PCDHGB5: variants seen among roughly 807,000 people sequenced by gnomAD.
PCDHGB5 encodes protocadherin gamma-B5.
In PCDHGB5, 48 loss-of-function variants were observed where a neutral mutation model predicts 62.9. The observed-to-expected ratio is 0.76, with a 90% CI of 0.61 to 0.97. PCDHGB5 has a LOEUF of 0.97. Ranked by LOEUF, PCDHGB5 falls within the 50% of genes least tolerant of loss-of-function variation. The pLI is 0.00. For synonymous variants in PCDHGB5, 474 were observed against 511.2 expected, an observed-to-expected ratio of 0.93 and a Z score of 0.98; for missense variants, 1,118 against 1,198.6, an observed-to-expected ratio of 0.93 and a Z score of 0.99.
chr5:141,440,671 T>C (rs2098194169), intron 1 of PCDHGB5: 1 of 152,210 alleles, frequency 6.6e-6, no homozygotes, highest in African/African-American at 2.4e-5. Context: ...CAACTCTATA[T>C]TTCTCTTTGA....
In PCDHGB5 at chr5:141,470,146, A is replaced by G. The variant is rs181633492; in HGVS notation, c.2398-24661A>G. On this transcript the variant is annotated intron_variant, in intron 1 of 3. Coordinates refer to ENST00000617380, the MANE Select transcript of PCDHGB5 (RefSeq NM_018925.3). ...TTCGTCTCAAAAAAAAAGATCATAG[A>G]TCATCTTATCAAATCAAAGTATGCA... Among the ~76,000 whole-genome samples, 102 of 152,308 alleles carry G rather than the reference A, an allele frequency of 6.7e-4. 2 individuals carry two copies. Among genetic ancestry groups the G allele is most frequent in the African/African-American group, 2.4e-3 (99 of 41,558 alleles).
In PCDHGB5 at chr5:141,419,475, C is replaced by T. The variant is rs775720158; in HGVS notation, c.2397+18951C>T. On this transcript the variant is annotated intron_variant, in intron 1 of 3. Coordinates refer to ENST00000617380, the MANE Select transcript of PCDHGB5 (RefSeq NM_018925.3). Reference sequence around the variant, plus strand: ...ACGCTGCAGGCCCGCGACCAGGGCTCGCCCGCGCTCAGCGCCAATGTGAGC... The same window carrying T: ...ACGCTGCAGGCCCGCGACCAGGGCTTGCCCGCGCTCAGCGCCAATGTGAGC... The T allele has an allele frequency of 4.6e-5, 74 of 1,612,266 alleles. No homozygotes were observed. The highest frequency in any genetic ancestry group is 5.9e-5 in the Non-Finnish European group (70 of 1,179,514).
intron 1 of PCDHGB5, chr5:141,403,564 G>A (rs2094422320): frequency 2.5e-6 from 4 of 1,613,834 alleles, no homozygotes; most frequent in Non-Finnish European, 2.5e-6. Context: ...ACAGGGAGGA[G>A]GCAACTGCCC....
At chr5:141,469,306 A>G in intron 1 of PCDHGB5, among the ~76,000 whole-genome samples, 1 of 150,500 alleles carries the variant, frequency 6.6e-6, no homozygotes, top group South Asian at 2.1e-4. Flanking sequence ...ACTGGGCACG[A>G]TGGCTCACGC....
In PCDHGB5 at chr5:141,399,797, G is replaced by A. The variant is rs760211919; in HGVS notation, c.1670G>A (p.Arg557Gln). The change falls in exon 1 of 4, where the codon CGG (arginine) becomes CAG (glutamine). Residue 557 changes from arginine to glutamine, a missense_variant. Arg to Gln is a conservative substitution (Grantham distance 43). Coordinates refer to ENST00000617380, the MANE Select transcript of PCDHGB5 (RefSeq NM_018925.3). ...GGCGACCGAAACGACAACGCACCGC[G>A]GGTGCTGTACCCCGCGCTGGGTCCC... ...LVGDRNDNAPRVLYPALGPDG... is the reference protein window; with the variant it reads ...LVGDRNDNAPQVLYPALGPDG... 1 of 1,613,192 alleles carries A rather than the reference G, an allele frequency of 6.2e-7. No individual in the cohort carries two copies. Among genetic ancestry groups the A allele is most frequent in the Non-Finnish European group, 8.5e-7 (1 of 1,179,758 alleles).
intron 2 of PCDHGB5, among the ~76,000 whole-genome samples, chr5:141,503,797 G>A (rs2099831309): frequency 6.6e-6 from 1 of 152,006 alleles, no homozygotes; most frequent in South Asian, 2.1e-4. Context: ...ATCTACTTAG[G>A]GACGGGGAAT....
At chr5:141,426,625 A>G (rs770683989) in intron 1 of PCDHGB5, 29 of 394,754 alleles carry the variant, frequency 7.3e-5, no homozygotes, top group South Asian at 7.2e-5. Context: ...AATCCTCTAA[A>G]TGTTTTTCAC....
At chr5:141,418,248 C>G (rs372067603) in intron 1 of PCDHGB5, 1 of 1,614,000 alleles carries the variant, frequency 6.2e-7, no homozygotes, top group Admixed American at 1.7e-5. Context: ...AATGACCACG[C>G]CCCTCAATTC....
chr5:141,400,230 G>A lies in PCDHGB5; in HGVS notation c.2103G>A (p.Leu701=). 3 of 1,613,992 alleles carry A rather than the reference G, an allele frequency of 1.9e-6. No homozygotes were observed. Among genetic ancestry groups the A allele is most frequent in the Non-Finnish European group, 2.5e-6 (3 of 1,179,890 alleles). Residue 701 remains leucine, a synonymous_variant, in exon 1 of 4, where the codon CTG becomes CTA. Transcript: ENST00000617380. Reference sequence around the variant, plus strand: ...CCTTGATCTCAGTGCTCTTCCTCCTGGCCGTGATTCTGGCCGTTGCCTTGC... The same window carrying A: ...CCTTGATCTCAGTGCTCTTCCTCCTAGCCGTGATTCTGGCCGTTGCCTTGC... ...ALALISVLFL[L]AVILAVALRL... is the part of the protein sequence containing the mutation.
intron 1 of PCDHGB5, among the ~76,000 whole-genome samples, chr5:141,492,927 G>A (rs925569925): frequency 2.0e-5 from 3 of 152,180 alleles, no homozygotes; most frequent in Admixed American, 6.5e-5. Context: ...AGCGATCTAG[G>A]GTCAGAGATT....
intron 1 of PCDHGB5, chr5:141,419,533 C>A: frequency 6.2e-7 from 1 of 1,612,106 alleles, no homozygotes; most frequent in Non-Finnish European, 8.5e-7. Flanking sequence ...GTAACGACAA[C>A]GCACCGCGGG....
intron 1 of PCDHGB5, among the ~76,000 whole-genome samples, chr5:141,481,184 C>A (rs2099533291): frequency 6.6e-6 from 1 of 152,146 alleles, no homozygotes; most frequent in African/African-American, 2.4e-5. Flanking sequence ...CTTTATTGGG[C>A]CAGGCCCAAT....
chr5:141,430,865 C>A, intron 1 of PCDHGB5: 2 of 1,595,350 alleles, frequency 1.3e-6, no homozygotes, highest in Non-Finnish European at 1.7e-6. Flanking sequence ...CTATTCAGTT[C>A]CGGAAGAGCT....
At chr5:141,414,489 G>A (rs754325517) in intron 1 of PCDHGB5, 33 of 1,613,754 alleles carry the variant, frequency 2.0e-5, no homozygotes, top group Middle Eastern at 1.6e-4. Flanking sequence ...CTCTATCAAC[G>A]GAAGCTCACT....
Position 141,399,835 on chromosome 5 carries a change from C to T in PCDHGB5, c.1708C>T (p.Leu570Phe), listed in dbSNP as rs756646382. Residue 570 changes from leucine (L) to phenylalanine (F), a missense_variant, in exon 1 of 4, where the codon CTC becomes TTC. By Grantham distance (22) the Leu-to-Phe change is conservative. Transcript: ENST00000617380. ...YPALGPDGSALFDMVPRAAEP... is the reference protein window; with the variant it reads ...YPALGPDGSAFFDMVPRAAEP... Reference sequence around the variant, plus strand: ...CGCGCTGGGTCCCGACGGCTCTGCGCTCTTCGATATGGTGCCGCGCGCTGC... The same window carrying T: ...CGCGCTGGGTCCCGACGGCTCTGCGTTCTTCGATATGGTGCCGCGCGCTGC... 1.2e-6 allele frequency: 2 copies of T among 1,613,164 alleles called. No individual in the cohort carries two copies. The highest frequency in any genetic ancestry group is 2.2e-5 in the South Asian group (2 of 91,062).
At chr5:141,481,531 G>A (rs1342825952) in intron 1 of PCDHGB5, among the ~76,000 whole-genome samples, 2 of 152,206 alleles carry the variant, frequency 1.3e-5, no homozygotes, top group African/African-American at 4.8e-5. Context: ...AAAATCTAGA[G>A]ATGGGGCTGG....
At position 141,399,780 on chromosome 5, in the gene PCDHGB5, A is replaced by C. The variant is rs1444494014; in HGVS notation, c.1653A>C (p.Arg551=). 1 of 1,613,170 alleles carries C rather than the reference A, an allele frequency of 6.2e-7. No homozygotes were observed. Among genetic ancestry groups the C allele is most frequent in the Non-Finnish European group, 8.5e-7 (1 of 1,179,770 alleles). The change falls in exon 1 of 4, where the codon CGA becomes CGC. Residue 551 remains arginine, a synonymous_variant. Transcript: ENST00000617380. ...NVSLRVLVGD[R]NDNAPRVLYP... The stretch of plus-strand genomic sequence containing the variant: ...GCCTGCGCGTGTTGGTGGGCGACCG[A>C]AACGACAACGCACCGCGGGTGCTGT...
At chr5:141,407,328 A>G (rs1016529734) in intron 1 of PCDHGB5, among the ~76,000 whole-genome samples, 1 of 152,210 alleles carries the variant, frequency 6.6e-6, no homozygotes, top group Admixed American at 6.5e-5. Flanking sequence ...ATTTATAAAT[A>G]TTGAAATGTA....
At chr5:141,417,795 T>C in intron 1 of PCDHGB5, 1 of 1,483,780 alleles carries the variant, frequency 6.7e-7, no homozygotes, top group Non-Finnish European at 9.0e-7. Context: ...AATGCTCTTT[T>C]AGCGCGGTAG....
Sources: gnomAD v4.1 joint callset for allele counts (sites outside exome capture counted in the v4.1 genomes callset) on GRCh38, gnomAD v4.1.1 for gene constraint, MANE v1.5 for transcripts, NCBI Gene and HGNC (gene_info 2026-07-23, HGNC 2026-07-21) for gene names.